KRABD5: variants seen among roughly 807,000 people sequenced by gnomAD.
The protein encoded by KRABD5 is KRAB domain containing 5, also known as KRAB domain-containing protein 5.
the KRABD5 span, among the ~76,000 whole-genome samples, chr16:31,730,096 A>G: frequency 1.3e-5 from 2 of 152,130 alleles, no homozygotes; most frequent in Non-Finnish European, 2.9e-5. Context: ...GAATTTCACT[A>G]TTTACCATTT....
chr16:31,722,372 G>A, the KRABD5 span, among the ~76,000 whole-genome samples: 13 of 152,102 alleles, frequency 8.5e-5, no homozygotes, highest in Non-Finnish European at 2.9e-5. Flanking sequence ...CGGCCTCGAT[G>A]CCTTAGTTTT....
chr16:31,755,003 A>G, the KRABD5 span: 1 of 465,858 alleles, frequency 2.1e-6, no homozygotes, highest in South Asian at 1.6e-5. Context: ...TCATTCTTCA[A>G]ATCTTCTTGT....
At chr16:31,729,523 A>G in the KRABD5 span, among the ~76,000 whole-genome samples, 1 of 152,222 alleles carries the variant, frequency 6.6e-6, no homozygotes, top group African/African-American at 2.4e-5. Context: ...CAGAGCTCTC[A>G]TGGCCTAATC....
chr16:31,757,943 A>T, the KRABD5 span: 1 of 151,974 alleles, frequency 6.6e-6, no homozygotes, highest in Non-Finnish European at 1.5e-5. Flanking sequence ...GGATGGATGG[A>T]TAGTTAGATA....
At chr16:31,713,585 C>T in the KRABD5 span, 14 of 1,207,090 alleles carry the variant, frequency 1.2e-5, no homozygotes, top group East Asian at 2.9e-5. Context: ...AGATGGCGGC[C>T]GGGCCGGCAG....
At chr16:31,739,686 A>T in the KRABD5 span, among the ~76,000 whole-genome samples, 1 of 152,176 alleles carries the variant, frequency 6.6e-6, no homozygotes, top group Non-Finnish European at 1.5e-5. Flanking sequence ...ATTATGAGTA[A>T]ATTGGCCTAT....
the KRABD5 span, among the ~76,000 whole-genome samples, chr16:31,750,718 T>G: frequency 7.9e-6 from 1 of 126,218 alleles, no homozygotes; most frequent in Non-Finnish European, 1.8e-5. Context: ...TGTTGAGGGG[T>G]TTTTTTTTTA....
chr16:31,714,596 C>T, the KRABD5 span, among the ~76,000 whole-genome samples: 6 of 152,170 alleles, frequency 3.9e-5, no homozygotes, highest in South Asian at 8.3e-4. Context: ...AATTGAGAAG[C>T]GGGTGTGTGG....
chr16:31,728,271 C>T, the KRABD5 span, among the ~76,000 whole-genome samples: 1 of 152,044 alleles, frequency 6.6e-6, no homozygotes, highest in Non-Finnish European at 1.5e-5. Flanking sequence ...TTTTCTATTG[C>T]CTTTCTAGTC....
At chr16:31,749,089 T>G in the KRABD5 span, among the ~76,000 whole-genome samples, 15 of 152,344 alleles carry the variant, frequency 9.8e-5, no homozygotes, top group East Asian at 2.1e-3. Flanking sequence ...CCACAGAGAC[T>G]GTTGTCACCC....
At chr16:31,759,264 A>G in the KRABD5 span, 1 of 1,343,324 alleles carries the variant, frequency 7.4e-7, no homozygotes, top group Non-Finnish European at 1.0e-6. Flanking sequence ...ATGAAAAACC[A>G]AGCACACATC....
chr16:31,730,202 A>G, the KRABD5 span, among the ~76,000 whole-genome samples: 1 of 146,814 alleles, frequency 6.8e-6, no homozygotes, highest in Non-Finnish European at 1.5e-5. Flanking sequence ...ATTTCTAGAC[A>G]GGTCTAGTGG....
the KRABD5 span, among the ~76,000 whole-genome samples, chr16:31,742,427 C>T: frequency 2.0e-5 from 3 of 152,136 alleles, no homozygotes; most frequent in Non-Finnish European, 4.4e-5. Context: ...TTTTCTGTCC[C>T]TGTGTTAGTT....
At chr16:31,734,669 A>T in the KRABD5 span, among the ~76,000 whole-genome samples, 1 of 150,960 alleles carries the variant, frequency 6.6e-6, no homozygotes, top group African/African-American at 2.4e-5. Context: ...CTGTTAACCA[A>T]CCTCTTTCTA....
At chr16:31,717,237 C>CT in the KRABD5 span, among the ~76,000 whole-genome samples, 1 of 152,140 alleles carries the variant, frequency 6.6e-6, no homozygotes, top group Admixed American at 6.5e-5. Context: ...TTCAGGTGAT[C>CT]TGCCTGCCTC....
the KRABD5 span, among the ~76,000 whole-genome samples, chr16:31,728,001 G>C: frequency 8.1e-4 from 123 of 152,212 alleles, no homozygotes; most frequent in African/African-American, 2.9e-3. Flanking sequence ...GACTACAGGG[G>C]TGTACCACCA....
At chr16:31,724,074 A>G in the KRABD5 span, among the ~76,000 whole-genome samples, 2 of 152,184 alleles carry the variant, frequency 1.3e-5, no homozygotes, top group African/African-American at 4.8e-5. Flanking sequence ...GAAGCTTACA[A>G]CATTGTCCAG....
the KRABD5 span, among the ~76,000 whole-genome samples, chr16:31,726,720 A>G: frequency 6.6e-6 from 1 of 152,164 alleles, no homozygotes; most frequent in African/African-American, 2.4e-5. Flanking sequence ...AGATCACGCC[A>G]CTGCACTCCA....
At chr16:31,757,850 G>GA in the KRABD5 span, 1,044 of 103,306 alleles carry the variant, frequency 0.01, 14 homozygotes, top group African/African-American at 0.032. Context: ...AGGTAGGTAG[G>GA]TAGATAGATA....
Sources: allele counts gnomAD v4.1 joint callset (sites outside exome capture counted in the v4.1 genomes callset), GRCh38; gene constraint gnomAD v4.1.1; transcripts MANE v1.5; gene names NCBI Gene and HGNC (gene_info 2026-07-23, HGNC 2026-07-21).